Variants in SLC44A5 observed in about 807,000 individuals in gnomAD.
SLC44A5 encodes solute carrier family 44 member 5.
A neutral mutation model predicts 101.8 loss-of-function variants in SLC44A5; 57 were observed. The ratio of observed to expected loss-of-function variants is 0.56; its 90% CI spans 0.45 to 0.70. The LOEUF (loss-of-function observed/expected upper bound fraction) is 0.70. Among genes scored for constraint, SLC44A5 ranks in the 30% least tolerant of loss-of-function variants. The probability of loss-of-function intolerance (pLI) is 0.00; values close to 1 mark genes in which losing one functional copy is unlikely to be tolerated. For synonymous variants in SLC44A5, 281 were observed against 290.9 expected, an observed-to-expected ratio of 0.97 and a Z score of 0.35; for missense variants, 737 against 853.1, an observed-to-expected ratio of 0.86 and a Z score of 1.70.
At chr1:75,573,803 G>A (rs1332011003) in intron 1 of SLC44A5, among the ~76,000 whole-genome samples, 2 of 149,344 alleles carry the variant, frequency 1.3e-5, no homozygotes, top group African/African-American at 2.5e-5. Context: ...AAGAAAGCCA[G>A]AAAAAAAAAA....
chr1:75,258,752 C>T (rs1288614123), intron 6 of SLC44A5, among the ~76,000 whole-genome samples: 1 of 152,082 alleles, frequency 6.6e-6, no homozygotes, highest in Non-Finnish European at 1.5e-5. Context: ...CCAGTAGGCG[C>T]CAATAGACAC....
intron 4 of SLC44A5, among the ~76,000 whole-genome samples, chr1:75,333,455 C>CCA (rs1657202748): frequency 2.0e-5 from 1 of 50,590 alleles, no homozygotes; most frequent in South Asian, 1.0e-3. Context: ...GTTCTTTTTT[C>CCA]TATTTTTTTT....
At chr1:75,224,525 T>C (rs1380201998) in intron 13 of SLC44A5, among the ~76,000 whole-genome samples, 1 of 152,188 alleles carries the variant, frequency 6.6e-6, no homozygotes, top group Non-Finnish European at 1.5e-5. Context: ...AAGAAAGTGA[T>C]ATTGATGATC....
chr1:75,267,639 C>A (rs971840791), intron 6 of SLC44A5, among the ~76,000 whole-genome samples: 11 of 152,170 alleles, frequency 7.2e-5, no homozygotes, highest in African/African-American at 2.4e-4. Flanking sequence ...CAACCTCCAC[C>A]TCCTGGGCTC....
At chr1:75,238,410 A>G (rs1648310368) in intron 10 of SLC44A5, 103 bp downstream of exon 10, 1 of 300,844 alleles carries the variant, frequency 3.3e-6, no homozygotes, top group Admixed American at 5.4e-5. Flanking sequence ...ATATATATAT[A>G]TATGTGATTA....
the SLC44A5 span, among the ~76,000 whole-genome samples, chr1:75,716,996 T>C: frequency 6.6e-6 from 1 of 151,682 alleles, no homozygotes; most frequent in Non-Finnish European, 1.5e-5. Flanking sequence ...ATCGCGCCAC[T>C]GCACTCCAGC....
At chr1:75,350,923 A>C (rs2101069322) in intron 3 of SLC44A5, among the ~76,000 whole-genome samples, 1 of 151,766 alleles carries the variant, frequency 6.6e-6, no homozygotes, top group East Asian at 2.0e-4. Context: ...ACAGAAAGAA[A>C]AAGGTTGAAA....
At chr1:75,553,290 A>AT (rs1672041386) in intron 1 of SLC44A5, among the ~76,000 whole-genome samples, 1 of 152,088 alleles carries the variant, frequency 6.6e-6, no homozygotes, top group South Asian at 2.1e-4. Context: ...AATAAGACAT[A>AT]TTTTCTAACT....
chr1:75,395,895 T>C (rs567960041), intron 3 of SLC44A5, among the ~76,000 whole-genome samples: 26 of 152,160 alleles, frequency 1.7e-4, no homozygotes, highest in Admixed American at 2.6e-4. Flanking sequence ...ATCCAAGTAA[T>C]GTTGGAAGTC....
intron 1 of SLC44A5, among the ~76,000 whole-genome samples, chr1:75,548,236 A>C (rs977968930): frequency 9.2e-5 from 14 of 152,196 alleles, no homozygotes; most frequent in African/African-American, 3.4e-4. Flanking sequence ...TAATTTAGAG[A>C]CCAGTTTCCT....
chr1:75,433,537 C>A (rs1664728324), intron 2 of SLC44A5, among the ~76,000 whole-genome samples: 1 of 152,160 alleles, frequency 6.6e-6, no homozygotes, highest in African/African-American at 2.4e-5. Context: ...TTTTGCTCTA[C>A]ACTATTCCAA....
chr1:75,446,561 T>A (rs1174087105), intron 2 of SLC44A5, among the ~76,000 whole-genome samples: 6 of 152,120 alleles, frequency 3.9e-5, no homozygotes, highest in African/African-American at 1.4e-4. Flanking sequence ...GTTTTAGATA[T>A]TTTGTAAATC....
At chr1:75,694,469 A>T in the SLC44A5 span, among the ~76,000 whole-genome samples, 1 of 152,162 alleles carries the variant, frequency 6.6e-6, no homozygotes, top group South Asian at 2.1e-4. Flanking sequence ...CACTATTTTT[A>T]AAAAACATGC....
chr1:75,626,766 T>C, the SLC44A5 span, among the ~76,000 whole-genome samples: 1 of 152,148 alleles, frequency 6.6e-6, no homozygotes. Flanking sequence ...GACTCCATTC[T>C]TTCACCTCTC....
At chr1:75,204,304 A>G (rs1432268573) in intron 23 of SLC44A5, among the ~76,000 whole-genome samples, 1 of 152,154 alleles carries the variant, frequency 6.6e-6, no homozygotes, top group Non-Finnish European at 1.5e-5. Flanking sequence ...TTTTTAGTTT[A>G]ATTGCTTTGT....
chr1:75,711,268 C>A, the SLC44A5 span, among the ~76,000 whole-genome samples: 1 of 152,136 alleles, frequency 6.6e-6, no homozygotes, highest in African/African-American at 2.4e-5. Context: ...TTGGGGAGCA[C>A]AAGAGCTACA....
At chr1:75,432,253 C>T (rs191226654) in intron 2 of SLC44A5, among the ~76,000 whole-genome samples, 25 of 152,208 alleles carry the variant, frequency 1.6e-4, no homozygotes, top group Admixed American at 1.1e-3. Flanking sequence ...CAAATTGAAT[C>T]GAAGTATGAA....
At chr1:75,699,825 T>C in the SLC44A5 span, among the ~76,000 whole-genome samples, 4 of 151,550 alleles carry the variant, frequency 2.6e-5, no homozygotes, top group African/African-American at 7.3e-5. Flanking sequence ...ACCAAGCAAA[T>C]GGAAAACAAA....
At chr1:75,509,510 G>A (rs1210827522) in intron 2 of SLC44A5, among the ~76,000 whole-genome samples, 1 of 152,146 alleles carries the variant, frequency 6.6e-6, no homozygotes, top group Admixed American at 6.5e-5. Context: ...GGTTACTTTG[G>A]AGGACATGAG....
Sources: gnomAD v4.1 joint callset for allele counts (sites outside exome capture counted in the v4.1 genomes callset) on GRCh38, gnomAD v4.1.1 for gene constraint, MANE v1.5 for transcripts, NCBI Gene and HGNC (gene_info 2026-07-23, HGNC 2026-07-21) for gene names.